Variants in GREB1L observed in about 807,000 individuals in gnomAD.
The protein encoded by GREB1L is GREB1-like protein.
In GREB1L, 17 loss-of-function variants were observed where a neutral mutation model predicts 200.8. The observed-to-expected ratio is 0.08, with a 90% CI of 0.06 to 0.13. The LOEUF (loss-of-function observed/expected upper bound fraction) is 0.13. GREB1L is among the 10% of genes least tolerant of loss of function. The pLI, the probability that GREB1L is intolerant of heterozygous loss-of-function variation, is 1.00. For synonymous variants in GREB1L, 789 were observed against 893.0 expected, an observed-to-expected ratio of 0.88 and a Z score of 2.08; for missense variants, 1,657 against 2,367.7, an observed-to-expected ratio of 0.70 and a Z score of 6.23.
intron 15 of GREB1L, among the ~76,000 whole-genome samples, chr18:21,466,966 ATTCAGTTTTG>A (rs1157576217): frequency 3.3e-5 from 5 of 152,218 alleles, no homozygotes; most frequent in Non-Finnish European, 5.9e-5. Flanking sequence ...TTTACAATCA[ATTCAGTTTTG>A]ACAAGGGTGC....
chr18:21,502,357 G>C (rs758042110), intron 23 of GREB1L, among the ~76,000 whole-genome samples: 89 of 152,202 alleles, frequency 5.8e-4, no homozygotes, highest in Non-Finnish European at 1.2e-3. Flanking sequence ...GGAAGTAGAG[G>C]CAACCAGGCG....
At chr18:21,503,265 G>GGTAT (rs1479931007) in intron 23 of GREB1L, among the ~76,000 whole-genome samples, 2 of 151,912 alleles carry the variant, frequency 1.3e-5, no homozygotes, top group African/African-American at 2.4e-5. Context: ...GGAGTGCAGT[G>GGTAT]GTATGATCTC....
chr18:21,279,955 C>G (rs760276404), intron 1 of GREB1L, among the ~76,000 whole-genome samples: 10 of 152,102 alleles, frequency 6.6e-5, no homozygotes, highest in Non-Finnish European at 1.3e-4. Flanking sequence ...CGTTTTGAAC[C>G]CCTCTGCCAG....
intron 7 of GREB1L, among the ~76,000 whole-genome samples, chr18:21,416,489 G>A (rs1255447305): frequency 2.6e-5 from 4 of 151,928 alleles, no homozygotes; most frequent in Non-Finnish European, 4.4e-5. Flanking sequence ...TCAGGAGATC[G>A]AGACCATCCT....
At chr18:21,421,975 C>T (rs1031054455) in intron 7 of GREB1L, among the ~76,000 whole-genome samples, 4 of 152,116 alleles carry the variant, frequency 2.6e-5, no homozygotes, top group African/African-American at 7.2e-5. Flanking sequence ...GCTGGGAATG[C>T]CCTCAAGGAG....
At chr18:21,312,019 T>A (rs1449446854) in intron 1 of GREB1L, among the ~76,000 whole-genome samples, 1 of 152,094 alleles carries the variant, frequency 6.6e-6, no homozygotes, top group Non-Finnish European at 1.5e-5. Flanking sequence ...GTCTGTTGTT[T>A]CCCTCTTTGT....
At chr18:21,519,680 AC>A (rs2037544483) in intron 31 of GREB1L, among the ~76,000 whole-genome samples, 1 of 152,208 alleles carries the variant, frequency 6.6e-6, no homozygotes, top group African/African-American at 2.4e-5. Flanking sequence ...ATCCTATGAA[AC>A]AAGTACTATT....
intron 1 of GREB1L, among the ~76,000 whole-genome samples, chr18:21,346,298 TC>T (rs1396388623): frequency 6.6e-6 from 1 of 152,132 alleles, no homozygotes; most frequent in African/African-American, 2.4e-5. Flanking sequence ...AGTAGGAGTT[TC>T]TAAACACTCT....
chr18:21,403,799 G>A, intron 6 of GREB1L, 73 bp from the exon 7 acceptor site: 1 of 1,269,736 alleles, frequency 7.9e-7, no homozygotes, highest in South Asian at 1.4e-5. Context: ...GAGATTTTAT[G>A]GATTGCGTCC....
intron 21 of GREB1L, among the ~76,000 whole-genome samples, chr18:21,497,811 A>AC (rs61655993): frequency 0.27 from 18,252 of 67,848 alleles, 1,969 homozygotes; most frequent in Non-Finnish European, 0.31. Flanking sequence ...TCCCCTCACC[A>AC]CCCCCCCCCC....
At chr18:21,451,196 A>G (rs1439965513) in intron 13 of GREB1L, 45 bp downstream of exon 13, 1 of 1,542,292 alleles carries the variant, frequency 6.5e-7, no homozygotes, top group Non-Finnish European at 8.8e-7. Context: ...CCCTAGTTGT[A>G]TGATTTTCTG....
chr18:21,363,279 T>TCCCCCCCCCCCC (rs71369899), intron 1 of GREB1L, among the ~76,000 whole-genome samples: 2 of 5,004 alleles, frequency 4.0e-4, no homozygotes, highest in Non-Finnish European at 3.6e-4. Flanking sequence ...CCACTCCGCC[T>TCCCCCCCCCCCC]CCCCCCCGCC....
At chr18:21,353,463 T>TAA (rs1411399894) in intron 1 of GREB1L, among the ~76,000 whole-genome samples, 97 of 152,200 alleles carry the variant, frequency 6.4e-4, no homozygotes, top group Non-Finnish European at 1.8e-4. Context: ...ATTATATATA[T>TAA]AATAGACATT....
intron 1 of GREB1L, among the ~76,000 whole-genome samples, chr18:21,340,591 G>A (rs1428889452): frequency 6.6e-6 from 1 of 150,426 alleles, no homozygotes; most frequent in Non-Finnish European, 1.5e-5. Flanking sequence ...CGCCCAGGCT[G>A]GAGTGCAATG....
intron 1 of GREB1L, among the ~76,000 whole-genome samples, chr18:21,299,278 C>T (rs1461726034): frequency 9.1e-6 from 1 of 109,986 alleles, no homozygotes; most frequent in East Asian, 2.3e-4. Context: ...GACTCAGTCT[C>T]GAAAAAAAAA....
At chr18:21,365,489 C>T (rs117685667) in intron 1 of GREB1L, among the ~76,000 whole-genome samples, 17 of 152,268 alleles carry the variant, frequency 1.1e-4, no homozygotes, top group South Asian at 4.1e-4. Context: ...TCTAGGAATA[C>T]ATTACTCAGA....
chr18:21,267,341 C>T (rs577535687), intron 1 of GREB1L, among the ~76,000 whole-genome samples: 2 of 152,016 alleles, frequency 1.3e-5, no homozygotes, highest in East Asian at 3.9e-4. Flanking sequence ...GCCACCACAG[C>T]CAGCTAATTT....
intron 15 of GREB1L, among the ~76,000 whole-genome samples, chr18:21,471,620 C>CTTTTTTTTTTT (rs77038675): frequency 7.0e-6 from 1 of 142,348 alleles, no homozygotes. Context: ...TCTTTTGTTT[C>CTTTTTTTTTTT]TTTTTTTTTT....
chr18:21,477,146 C>T lies in GREB1L; in HGVS notation c.2364-18C>T. 6.5e-7 allele frequency: 1 copy of T among 1,532,054 alleles called. No homozygotes were observed. The highest frequency in any genetic ancestry group is 1.2e-5 in the South Asian group (1 of 82,074). The allele number at this position is 1,532,054 out of a possible 1,614,324, so 94.9% of individuals were successfully genotyped here. On this transcript the variant is annotated intron_variant, in intron 16 of 32. Coordinates refer to ENST00000424526, the MANE Select transcript of GREB1L (RefSeq NM_001142966.3). ...TTGGTTAAATGAGGTATTAATATGACTTTCAATTTTTCTACAGTGTCATTT... is the reference window on the plus strand; with the variant it reads ...TTGGTTAAATGAGGTATTAATATGATTTTCAATTTTTCTACAGTGTCATTT...
Sources: allele counts gnomAD v4.1 joint callset (sites outside exome capture counted in the v4.1 genomes callset), GRCh38; gene constraint gnomAD v4.1.1; transcripts MANE v1.5; gene names NCBI Gene and HGNC (gene_info 2026-07-23, HGNC 2026-07-21).